Variants in GABRG2 observed in about 807,000 individuals in gnomAD.
The protein encoded by GABRG2 is gamma-aminobutyric acid type A receptor subunit gamma2.
GABRG2 carries 16 observed loss-of-function variants against 56.4 expected under a neutral mutation model. The observed-to-expected ratio is 0.28, with a 90% CI of 0.19 to 0.43. The LOEUF (loss-of-function observed/expected upper bound fraction) is 0.43. Ranked by LOEUF, GABRG2 falls within the 20% of genes least tolerant of loss-of-function variation. The pLI, the probability that GABRG2 is intolerant of heterozygous loss-of-function variation, is 1.00. For synonymous variants in GABRG2, 208 were observed against 205.5 expected (o/e 1.01, Z -0.10); for missense variants, 327 against 582.7 (o/e 0.56, Z 4.52).
chr5:162,152,234 A>G (rs1304407719), intron 9 of GABRG2: 2 of 181,330 alleles, frequency 1.1e-5, no homozygotes, highest in African/African-American at 2.4e-5. Flanking sequence ...TTTGAGTTAA[A>G]ATATCCATTC....
chr5:162,109,420 A>ATATATATGTTTATT (rs1424412323), intron 6 of GABRG2, among the ~76,000 whole-genome samples: 5 of 116,130 alleles, frequency 4.3e-5, no homozygotes, highest in African/African-American at 1.6e-4. Flanking sequence ...ATATATATAT[A>ATATATATGTTTATT]TATTTATTTA....
At chr5:162,114,379 G>A (rs1319648786) in intron 6 of GABRG2, among the ~76,000 whole-genome samples, 1 of 152,076 alleles carries the variant, frequency 6.6e-6, no homozygotes, top group Non-Finnish European at 1.5e-5. Context: ...GATAGCATAT[G>A]TATCTGTAGA....
chr5:162,137,862 C>G (rs534710368), intron 6 of GABRG2, among the ~76,000 whole-genome samples: 162 of 152,176 alleles, frequency 1.1e-3, no homozygotes, highest in African/African-American at 3.7e-3. Flanking sequence ...AGGGATCCTC[C>G]CACCTCAGTC....
chr5:162,092,738 CA>C (rs568646242), intron 1 of GABRG2, among the ~76,000 whole-genome samples: 102 of 151,866 alleles, frequency 6.7e-4, no homozygotes, highest in African/African-American at 2.4e-3. Context: ...TCATAGCTGA[CA>C]AAATTCATTC....
chr5:162,075,657 T>C (rs1016091979), intron 1 of GABRG2, among the ~76,000 whole-genome samples: 5 of 152,114 alleles, frequency 3.3e-5, no homozygotes, highest in Non-Finnish European at 5.9e-5. Context: ...AAAATTGCAC[T>C]CATTTTCCCC....
intron 6 of GABRG2, chr5:162,129,405 A>G (rs1296657762): frequency 6.6e-6 from 1 of 152,020 alleles, no homozygotes; most frequent in Non-Finnish European, 1.5e-5. Flanking sequence ...ATGCAAACCC[A>G]AACAAAGAAC....
chr5:162,097,704 A>T lies in GABRG2; in HGVS notation c.394A>T (p.Ile132Phe), dbSNP rs752621588. 7 of 1,613,772 alleles carry T rather than the reference A, an allele frequency of 4.3e-6. No individual in the cohort carries two copies. The African/African-American group carries it at 8.0e-5, about 18-fold the overall frequency. Residue 132 changes from isoleucine (I) to phenylalanine (F), a missense_variant, in exon 4 of 10, where the codon ATT becomes TTT. By Grantham distance (21) the Ile-to-Phe change is conservative. Around this residue, in one of 4 missense-constraint regions of GABRG2, gnomAD observed 104 missense variants for 209.3 expected, o/e 0.50. Coordinates refer to ENST00000639213, the MANE Select transcript of GABRG2 (RefSeq NM_198904.4). Reference protein sequence around the residue: ...YDRRLKFNSTIKVLRLNSNMV... With the variant: ...YDRRLKFNSTFKVLRLNSNMV... ...CAGACGTTTGAAATTTAACAGCACC[A>T]TTAAAGTCCTCCGATTGAACAGCAA...
chr5:162,101,599 G>T (rs1403382319), intron 5 of GABRG2: 1 of 423,500 alleles, frequency 2.4e-6, no homozygotes, highest in African/African-American at 2.0e-5. Context: ...TTTTGTAAGG[G>T]ATTGTAAAGC....
At chr5:162,080,778 C>T (rs1004769438) in intron 1 of GABRG2, among the ~76,000 whole-genome samples, 9 of 152,038 alleles carry the variant, frequency 5.9e-5, no homozygotes, top group African/African-American at 1.2e-4. Flanking sequence ...AGTTATATAA[C>T]GTGTTGTTCT....
In GABRG2 at chr5:162,101,325, A is replaced by G; in HGVS notation, c.631+8A>G. On this transcript the variant is annotated splice_region_variant and intron_variant, in intron 5 of 9. Transcript: ENST00000639213. The stretch of plus-strand genomic sequence containing the variant: ...CCTTGGAGTTCTCCAGTTGTAAGTA[A>G]TATTCCTTCTCCATTTGTATCCTCC... The G allele has an allele frequency of 1.3e-6, 2 of 1,568,458 alleles. No individual in the cohort carries two copies. The highest frequency in any genetic ancestry group is 1.8e-6 in the Non-Finnish European group (2 of 1,139,344).
chr5:162,116,640 G>A (rs1248820790), intron 6 of GABRG2, among the ~76,000 whole-genome samples: 1 of 151,792 alleles, frequency 6.6e-6, no homozygotes, highest in Non-Finnish European at 1.5e-5. Context: ...TTGTAGGCAG[G>A]GGAAGCAAAT....
intron 5 of GABRG2, chr5:162,102,329 T>C: frequency 2.9e-6 from 1 of 343,100 alleles, no homozygotes; most frequent in Non-Finnish European, 5.8e-6. Context: ...CCTTCCTTTC[T>C]TTTAATACTC....
chr5:162,127,008 A>G (rs962245277), intron 6 of GABRG2, among the ~76,000 whole-genome samples: 1 of 151,996 alleles, frequency 6.6e-6, no homozygotes, highest in Admixed American at 6.6e-5. Flanking sequence ...AGAAAATTCC[A>G]GAGGTAATTT....
At position 162,154,197 on chromosome 5, in the gene GABRG2, A is replaced by G. The variant is rs1765567433; in HGVS notation, c.*829A>G. 1 of 152,180 alleles carries G rather than the reference A, an allele frequency of 6.6e-6. No homozygotes were observed. Among genetic ancestry groups the G allele is most frequent in the South Asian group, 2.1e-4 (1 of 4,828 alleles). The allele number at this position is 152,180 out of a possible 1,614,324, so 9.4% of individuals were successfully genotyped here. A position where few individuals can be genotyped will look rare whatever the true frequency, so the allele number is the denominator to read the frequency against. On this transcript the variant is annotated 3_prime_UTR_variant, in exon 10 of 10. Coordinates refer to ENST00000639213, the MANE Select transcript of GABRG2 (RefSeq NM_198904.4). Reference sequence around the variant, plus strand: ...TAATCAACATTTGCCACCTCTAAATATGCCCAATTTCATAACTAGAGTATA... The same window carrying G: ...TAATCAACATTTGCCACCTCTAAATGTGCCCAATTTCATAACTAGAGTATA...
chr5:162,107,015 C>A (rs1681692154), intron 6 of GABRG2, among the ~76,000 whole-genome samples: 2 of 152,072 alleles, frequency 1.3e-5, no homozygotes, highest in Non-Finnish European at 2.9e-5. Flanking sequence ...CAACCTCTGC[C>A]TTCCCAAAGA....
In GABRG2 at chr5:162,068,020, G is replaced by T; in HGVS notation, c.21G>T (p.Trp7Cys). 6.2e-7 allele frequency: 1 copy of T among 1,613,094 alleles called. No homozygotes were observed. The highest frequency in any genetic ancestry group is 1.1e-5 in the South Asian group (1 of 91,046). ...AAGCGATGAGTTCGCCAAATATATG[G>T]AGCACAGGAAGCTCAGTCTACTCGA... MSSPNIWSTGSSVYSTP... is the reference protein window; with the variant it reads MSSPNICSTGSSVYSTP... The change falls in exon 1 of 10, where the codon TGG (tryptophan) becomes TGT (cysteine). Residue 7 changes from tryptophan to cysteine, a missense_variant. Coordinates refer to ENST00000639213, the MANE Select transcript of GABRG2 (RefSeq NM_198904.4).
At chr5:162,151,891 C>G in intron 9 of GABRG2, 138 bp downstream of exon 9, 5 of 767,562 alleles carry the variant, frequency 6.5e-6, no homozygotes, top group Non-Finnish European at 1.1e-5. Context: ...GAAAGTTCTA[C>G]AGACTTCTAG....
At chr5:162,114,159 A>G (rs976998903) in intron 6 of GABRG2, among the ~76,000 whole-genome samples, 2 of 152,148 alleles carry the variant, frequency 1.3e-5, no homozygotes, top group Admixed American at 6.6e-5. Flanking sequence ...CCTCATTCCC[A>G]TGTAAAAATA....
At position 162,087,509 on chromosome 5, in the gene GABRG2, TC is replaced by T. The variant is rs201546233; in HGVS notation, c.108-6318del. On this transcript the variant is annotated intron_variant, in intron 1 of 9. Transcript: ENST00000639213. ...TAGAGAGAGCTTTTGGAAAAGTTTATCTTTCTGTTTTTGTGGATACATACAA... is the reference window on the plus strand; with the variant it reads ...TAGAGAGAGCTTTTGGAAAAGTTTATTTTCTGTTTTTGTGGATACATACAA... Among the ~76,000 whole-genome samples the T allele has an allele frequency of 8.2e-3, 1,242 of 152,226 alleles. 17 individuals carry two copies. Among genetic ancestry groups the T allele is most frequent in the African/African-American group, 0.029 (1,193 of 41,552 alleles).
Sources: gnomAD v4.1 joint callset for allele counts (sites outside exome capture counted in the v4.1 genomes callset) on GRCh38, gnomAD v4.1.1 for gene constraint, gnomAD v4.1.1 regional missense constraint, MANE v1.5 for transcripts, NCBI Gene and HGNC (gene_info 2026-07-23, HGNC 2026-07-21) for gene names.